The following SNTG1 variants were observed in gnomAD, a reference collection of about 807,000 sequenced individuals.
The protein encoded by SNTG1 is syntrophin gamma 1.
In SNTG1, 39 loss-of-function variants were observed where a neutral mutation model predicts 74.7. The ratio of observed to expected loss-of-function variants is 0.52; its 90% CI spans 0.40 to 0.68. The LOEUF (loss-of-function observed/expected upper bound fraction) is 0.68. Ranked by LOEUF, SNTG1 falls within the 30% of genes least tolerant of loss-of-function variation. The pLI is 0.00. For synonymous variants in SNTG1, 254 were observed against 217.1 expected (o/e 1.17, Z -1.49); for missense variants, 685 against 609.5 (o/e 1.12, Z -1.30).
At chr8:50,643,403 G>T (rs1224558330) in intron 13 of SNTG1, among the ~76,000 whole-genome samples, 1 of 152,192 alleles carries the variant, frequency 6.6e-6, no homozygotes, top group Non-Finnish European at 1.5e-5. Flanking sequence ...CATTTGAGGG[G>T]CTTTGTGCTG....
intron 2 of SNTG1, among the ~76,000 whole-genome samples, chr8:50,310,591 G>C (rs537787040): frequency 6.6e-6 from 1 of 152,284 alleles, no homozygotes; most frequent in East Asian, 1.9e-4. Context: ...GGGAGGCTGA[G>C]GCAGGAGAAT....
At chr8:50,316,226 G>T (rs145399380) in intron 2 of SNTG1, among the ~76,000 whole-genome samples, 1 of 151,998 alleles carries the variant, frequency 6.6e-6, no homozygotes, top group Non-Finnish European at 1.5e-5. Flanking sequence ...TGGTAAACAC[G>T]GTAGAATCCA....
intron 17 of SNTG1, among the ~76,000 whole-genome samples, chr8:50,714,154 G>C (rs1205518813): frequency 6.6e-6 from 1 of 151,940 alleles, no homozygotes; most frequent in Admixed American, 6.6e-5. Context: ...TAGATGTGTG[G>C]TGTTATTTCT....
chr8:50,719,821 T>G (rs2095483449), intron 17 of SNTG1, among the ~76,000 whole-genome samples: 1 of 152,186 alleles, frequency 6.6e-6, no homozygotes, highest in Admixed American at 6.5e-5. Context: ...AATTAATCTA[T>G]AATGTTTGAG....
chr8:50,531,476 T>C (rs1254070132), intron 10 of SNTG1, among the ~76,000 whole-genome samples: 1 of 152,134 alleles, frequency 6.6e-6, no homozygotes, highest in African/African-American at 2.4e-5. Flanking sequence ...ATTTTTTACC[T>C]CTTTATTTTG....
At chr8:50,645,021 G>A (rs1471576898) in intron 13 of SNTG1, among the ~76,000 whole-genome samples, 1 of 151,348 alleles carries the variant, frequency 6.6e-6, no homozygotes, top group Admixed American at 6.6e-5. Context: ...CGCCCACAGT[G>A]CTATAATTAA....
intron 1 of SNTG1, among the ~76,000 whole-genome samples, chr8:49,987,657 T>TC (rs2130256695): frequency 6.6e-6 from 1 of 150,940 alleles, no homozygotes; most frequent in East Asian, 2.0e-4. Context: ...ACCTTTTTTT[T>TC]TTTTTTTTTG....
chr8:50,255,588 G>T (rs1322107077), intron 2 of SNTG1, among the ~76,000 whole-genome samples: 1 of 152,230 alleles, frequency 6.6e-6, no homozygotes, highest in East Asian at 1.9e-4. Context: ...CCGGTGGTTT[G>T]CTGGCAGTTC....
At chr8:50,547,981 A>G (rs1241136258) in intron 11 of SNTG1, among the ~76,000 whole-genome samples, 1 of 152,156 alleles carries the variant, frequency 6.6e-6, no homozygotes, top group Non-Finnish European at 1.5e-5. Flanking sequence ...AGATAAATAA[A>G]ATGATGTCCA....
At position 50,185,612 on chromosome 8, in the gene SNTG1, G is replaced by C. The variant is rs112224688; in HGVS notation, c.-28+12977G>C. 4.6e-3 allele frequency among the ~76,000 whole-genome samples: 694 copies of C among 152,126 alleles called. 7 individuals are homozygous for C. Among genetic ancestry groups the C allele is most frequent in the African/African-American group, 0.016 (659 of 41,484 alleles). ...AAATGTATATGTGAAAACTGCTTAA[G>C]GTCATATTTATCAGACAATATAAGC... On this transcript the variant is annotated intron_variant, in intron 2 of 18. Coordinates refer to ENST00000642720, the MANE Select transcript of SNTG1 (RefSeq NM_018967.5).
chr8:49,963,015 C>T (rs1055928425), intron 1 of SNTG1, among the ~76,000 whole-genome samples: 2 of 152,146 alleles, frequency 1.3e-5, no homozygotes, highest in Admixed American at 6.5e-5. Flanking sequence ...AAGCCAGAGG[C>T]GGGAAGCGCA....
chr8:49,933,594 G>C (rs1807789046), intron 1 of SNTG1, among the ~76,000 whole-genome samples: 1 of 152,102 alleles, frequency 6.6e-6, no homozygotes, highest in Non-Finnish European at 1.5e-5. Context: ...AGCACCATTT[G>C]TTTAAGAAGC....
At chr8:50,734,900 T>A (rs1046699528) in intron 17 of SNTG1, among the ~76,000 whole-genome samples, 1 of 140,376 alleles carries the variant, frequency 7.1e-6, no homozygotes, top group African/African-American at 2.6e-5. Flanking sequence ...TATATGGACA[T>A]ATATATATCT....
intron 1 of SNTG1, among the ~76,000 whole-genome samples, chr8:50,073,159 T>G (rs1821522508): frequency 6.6e-6 from 1 of 152,210 alleles, no homozygotes; most frequent in Admixed American, 6.5e-5. Context: ...TCAGCAGAAC[T>G]TTTAAAGTTG....
chr8:50,736,800 G>C (rs550193963), intron 17 of SNTG1, among the ~76,000 whole-genome samples: 2 of 152,150 alleles, frequency 1.3e-5, no homozygotes, highest in South Asian at 4.1e-4. Context: ...CATGGAAACT[G>C]AACAACCTGC....
chr8:50,736,602 C>T (rs905563963), intron 17 of SNTG1, among the ~76,000 whole-genome samples: 9 of 152,062 alleles, frequency 5.9e-5, no homozygotes, highest in Admixed American at 6.6e-5. Flanking sequence ...GAACTCTCCA[C>T]CCCAAATCAA....
At chr8:50,006,681 G>C (rs187412279) in intron 1 of SNTG1, among the ~76,000 whole-genome samples, 11 of 152,212 alleles carry the variant, frequency 7.2e-5, no homozygotes, top group African/African-American at 2.4e-4. Context: ...GGTTTATCTT[G>C]TGCCAATGGG....
chr8:50,610,765 T>G (rs2094844206), intron 13 of SNTG1, among the ~76,000 whole-genome samples: 1 of 152,158 alleles, frequency 6.6e-6, no homozygotes, highest in Admixed American at 6.5e-5. Flanking sequence ...TAAAATGAGG[T>G]AGTAAGACCA....
chr8:50,074,337 T>C (rs765693309), intron 1 of SNTG1, among the ~76,000 whole-genome samples: 1 of 152,220 alleles, frequency 6.6e-6, no homozygotes, highest in Non-Finnish European at 1.5e-5. Context: ...ATGGCCTTGC[T>C]GTGGATTAGG....
Sources: allele counts gnomAD v4.1 joint callset (sites outside exome capture counted in the v4.1 genomes callset), GRCh38; gene constraint gnomAD v4.1.1; transcripts MANE v1.5; gene names NCBI Gene and HGNC (gene_info 2026-07-23, HGNC 2026-07-21).